The following SLC22A3 variants were observed in gnomAD, a reference collection of about 807,000 sequenced individuals.
SLC22A3 encodes solute carrier family 22 member 3.
In SLC22A3, 51 loss-of-function variants were observed where a neutral mutation model predicts 59.1. The observed-to-expected ratio is 0.86, with a 90% CI of 0.69 to 1.09. The LOEUF (loss-of-function observed/expected upper bound fraction) is 1.09, where lower values mean the gene tolerates loss of function less well. SLC22A3 is among the 50% of genes least tolerant of loss of function. The pLI is 0.00. For missense variants in SLC22A3, 711 were observed against 726.3 expected (o/e 0.98, Z 0.24); for synonymous variants, 325 against 292.0 (o/e 1.11, Z -1.15).
chr6:160,398,891 T>G (rs1007280975), intron 2 of SLC22A3, among the ~76,000 whole-genome samples: 2 of 151,978 alleles, frequency 1.3e-5, no homozygotes, highest in Non-Finnish European at 2.9e-5. Context: ...CATGGCCATA[T>G]CTGGCCTAAT....
rs1396244 is a variant in SLC22A3 at position 160,407,750 on chromosome 6, T to C, written c.688+555T>C. Among the ~76,000 whole-genome samples, 387 of 152,326 alleles carry C rather than the reference T, an allele frequency of 2.5e-3. 9 individuals carry two copies. In the East Asian group the frequency reaches 0.061, roughly 24 times the overall value. Reference sequence around the variant, plus strand: ...GTGATGGAAGAAAGAAAAAGTTCACTTTACTTTTTTCTCATGTCCCTTGGG... The same window carrying C: ...GTGATGGAAGAAAGAAAAAGTTCACCTTACTTTTTTCTCATGTCCCTTGGG... On this transcript the variant is annotated intron_variant, in intron 3 of 10. Transcript: ENST00000275300.
rs191690968 is a variant in SLC22A3 at position 160,365,775 on chromosome 6, G to A, written c.429+16927G>A. ...TACCTGAGACTGGGTAATTTATAAA[G>A]GAAAGAGGTTTAATTGACTCACAGT... On this transcript the variant is annotated intron_variant, in intron 1 of 10. Coordinates refer to ENST00000275300, the MANE Select transcript of SLC22A3 (RefSeq NM_021977.4). 6.9e-3 allele frequency among the ~76,000 whole-genome samples: 1,054 copies of A among 152,192 alleles called. 21 individuals carry two copies. Among genetic ancestry groups the A allele is most frequent in the African/African-American group, 0.025 (1,017 of 41,510 alleles).
chr6:160,381,071 A>G (rs1190747448), intron 1 of SLC22A3, among the ~76,000 whole-genome samples: 1 of 152,208 alleles, frequency 6.6e-6, no homozygotes, highest in African/African-American at 2.4e-5. Context: ...CCTTGGAATA[A>G]ATACAAAAAG....
chr6:160,348,998 C>A, intron 1 of SLC22A3, 150 bp downstream of exon 1: 1 of 1,500,234 alleles, frequency 6.7e-7, no homozygotes, highest in South Asian at 1.3e-5. Context: ...GGATTCAGCG[C>A]ACCCTTGGAA....
intron 1 of SLC22A3, among the ~76,000 whole-genome samples, chr6:160,375,178 T>A (rs778595135): frequency 2.6e-4 from 40 of 152,186 alleles, no homozygotes; most frequent in Non-Finnish European, 5.3e-4. Context: ...ATGGAAGGAA[T>A]CAGGCTCATG....
intron 2 of SLC22A3, 113 bp from the exon 3 acceptor site, chr6:160,406,928 T>G: frequency 8.4e-7 from 1 of 1,195,328 alleles, no homozygotes; most frequent in Non-Finnish European, 1.1e-6. Flanking sequence ...TAAAATAAAA[T>G]GATATAATGT....
At chr6:160,447,015 G>A (rs1196773590) in intron 9 of SLC22A3, among the ~76,000 whole-genome samples, 1 of 152,156 alleles carries the variant, frequency 6.6e-6, no homozygotes, top group Non-Finnish European at 1.5e-5. Context: ...TGCCCAAAGA[G>A]GGTTGTTAGG....
chr6:160,405,826 G>C (rs751895029), intron 2 of SLC22A3, among the ~76,000 whole-genome samples: 1 of 152,028 alleles, frequency 6.6e-6, no homozygotes, highest in Non-Finnish European at 1.5e-5. Flanking sequence ...ATCTGGAAAG[G>C]CTACATACTA....
chr6:160,411,101 C>T (rs578126889), intron 5 of SLC22A3, among the ~76,000 whole-genome samples: 2 of 151,910 alleles, frequency 1.3e-5, no homozygotes, highest in Non-Finnish European at 2.9e-5. Flanking sequence ...GATTATGAAG[C>T]TCTATTAGCA....
Position 160,408,907 on chromosome 6 carries a change from C to T in SLC22A3, c.843C>T (p.Phe281=), listed in dbSNP as rs1787130462. ...CCATCACGCTGCCCAGCTTTCTCTT[C>T]CTCCTTTATTACTGGTAATGTGGTT... ...QLAITLPSFL[F]LLYYWVVPES... Residue 281 remains phenylalanine (F), a synonymous_variant, in exon 4 of 11, where the codon TTC becomes TTT. Coordinates refer to ENST00000275300, the MANE Select transcript of SLC22A3 (RefSeq NM_021977.4). The T allele has an allele frequency of 5.0e-6, 8 of 1,613,462 alleles. No homozygotes were observed. Among genetic ancestry groups the T allele is most frequent in the Non-Finnish European group, 6.8e-6 (8 of 1,179,776 alleles).
At chr6:160,405,420 G>A (rs1026665954) in intron 2 of SLC22A3, among the ~76,000 whole-genome samples, 1 of 152,098 alleles carries the variant, frequency 6.6e-6, no homozygotes, top group Non-Finnish European at 1.5e-5. Context: ...TGCTGACTAG[G>A]ATGTGGAACA....
At chr6:160,421,605 CAAAAGTA>C (rs1465983510) in intron 5 of SLC22A3, among the ~76,000 whole-genome samples, 3 of 152,174 alleles carry the variant, frequency 2.0e-5, no homozygotes, top group Non-Finnish European at 2.9e-5. Flanking sequence ...GTATTACAAA[CAAAAGTA>C]AAAAGTAAAA....
At chr6:160,399,692 G>A (rs1487587758) in intron 2 of SLC22A3, among the ~76,000 whole-genome samples, 1 of 152,206 alleles carries the variant, frequency 6.6e-6, no homozygotes, top group East Asian at 1.9e-4. Flanking sequence ...TGAGAGTACA[G>A]TGTAGGAAGG....
intron 1 of SLC22A3, among the ~76,000 whole-genome samples, chr6:160,369,102 G>T (rs1378012735): frequency 6.6e-6 from 1 of 152,154 alleles, no homozygotes; most frequent in Non-Finnish European, 1.5e-5. Context: ...ATTTCCAAGT[G>T]CCTACTTGAA....
chr6:160,354,550 C>T (rs1784766165), intron 1 of SLC22A3, among the ~76,000 whole-genome samples: 1 of 152,188 alleles, frequency 6.6e-6, no homozygotes, highest in South Asian at 2.1e-4. Context: ...TATAAAGAGT[C>T]AAAGCCTTGG....
At chr6:160,358,967 C>T (rs949575605) in intron 1 of SLC22A3, among the ~76,000 whole-genome samples, 5 of 152,298 alleles carry the variant, frequency 3.3e-5, no homozygotes, top group African/African-American at 4.8e-5. Flanking sequence ...TGAACTCCAT[C>T]GCATGTTTTC....
chr6:160,370,017 C>T (rs952748579), intron 1 of SLC22A3, among the ~76,000 whole-genome samples: 1 of 152,196 alleles, frequency 6.6e-6, no homozygotes, highest in Admixed American at 6.5e-5. Context: ...TTAGCTGCAA[C>T]AACTGCACAT....
At position 160,436,867 on chromosome 6, in the gene SLC22A3, AT is replaced by A. The variant is rs746882739; in HGVS notation, c.1064del (p.Met355SerfsTer21). The part of the protein sequence containing the change: ...PQMRKCTLIL[M>X]FAWFTSAVVY... Reference sequence around the variant, plus strand: ...AATGAGGAAATGCACACTTATTCTTATGTTTGCTTGGTAAGTTTGACTTGTG... The same window carrying A: ...AATGAGGAAATGCACACTTATTCTTAGTTTGCTTGGTAAGTTTGACTTGTG... On this transcript the variant is annotated frameshift_variant, in exon 6 of 11. Transcript: ENST00000275300. LOFTEE classifies it high-confidence loss of function. 6.2e-7 allele frequency: 1 copy of A among 1,613,656 alleles called. No homozygotes were observed. The highest frequency in any genetic ancestry group is 1.1e-5 in the South Asian group (1 of 91,078).
chr6:160,355,642 G>A (rs1583438952), intron 1 of SLC22A3, among the ~76,000 whole-genome samples: 1 of 151,932 alleles, frequency 6.6e-6, no homozygotes, highest in South Asian at 2.1e-4. Flanking sequence ...CATGGTGGCG[G>A]CTGCCTGTAG....
Sources: gnomAD v4.1 joint callset for allele counts (sites outside exome capture counted in the v4.1 genomes callset) on GRCh38, gnomAD v4.1.1 for gene constraint, MANE v1.5 for transcripts, NCBI Gene and HGNC (gene_info 2026-07-23, HGNC 2026-07-21) for gene names.